Variants in CUX2 observed in about 807,000 individuals in gnomAD.
The protein encoded by CUX2 is cut like homeobox 2.
A neutral mutation model predicts 144.8 loss-of-function variants in CUX2; 40 were observed. The ratio of observed to expected loss-of-function variants is 0.28; its 90% CI spans 0.21 to 0.36. CUX2 has a LOEUF of 0.36. CUX2 is among the 10% of genes least tolerant of loss of function. The pLI is 1.00. For synonymous variants in CUX2, 827 were observed against 875.6 expected, an observed-to-expected ratio of 0.94 and a Z score of 0.98; for missense variants, 1,615 against 1,994.0, an observed-to-expected ratio of 0.81 and a Z score of 3.62.
chr12:111,348,168 C>T lies in CUX2; in HGVS notation c.4304C>T (p.Ala1435Val), dbSNP rs1166910301. 1.9e-6 allele frequency: 3 copies of T among 1,614,088 alleles called. No individual in the cohort carries two copies. Among genetic ancestry groups the T allele is most frequent in the Admixed American group, 3.3e-5 (2 of 60,022 alleles). ...PGAPPAKVPSASPTADMAGAL... is the reference protein window; with the variant it reads ...PGAPPAKVPSVSPTADMAGAL... ...GCCCCCCCTGCCAAAGTGCCGAGTG[C>T]CAGCCCCACTGCTGACATGGCTGGA... The change falls in exon 22 of 22, where the codon GCC becomes GTC. Residue 1435 changes from alanine (A) to valine (V), a missense_variant. Ala to Val is a moderately conservative substitution (Grantham distance 64, BLOSUM62 0). Transcript: ENST00000261726.
intron 15 of CUX2, among the ~76,000 whole-genome samples, chr12:111,311,594 A>ATTTTTT (rs767367160): frequency 2.2e-5 from 3 of 133,676 alleles, no homozygotes; most frequent in African/African-American, 1.0e-4. Context: ...CTATTTCTTT[A>ATTTTTT]TTATTATTAT....
chr12:111,328,306 C>G (rs1418876472), intron 18 of CUX2, among the ~76,000 whole-genome samples: 2 of 152,148 alleles, frequency 1.3e-5, no homozygotes, highest in East Asian at 3.9e-4. Flanking sequence ...CGGGCAGGGA[C>G]CGGCACTGGA....
rs947855219 is a variant in CUX2 at position 111,322,771 on chromosome 12, T to C, written c.2926+191T>C. Among the ~76,000 whole-genome samples the C allele has an allele frequency of 1.3e-5, 2 of 152,180 alleles. No homozygotes were observed. The highest frequency in any genetic ancestry group is 4.8e-5 in the African/African-American group (2 of 41,450). Reference sequence around the variant, plus strand: ...CTGGGGTTTCTCTGCTCCCCTTTCTTCCTTCCTCCAACCAGAGGGAGGCTT... The same window carrying C: ...CTGGGGTTTCTCTGCTCCCCTTTCTCCCTTCCTCCAACCAGAGGGAGGCTT... On this transcript the variant is annotated intron_variant, in intron 18 of 21. Coordinates refer to ENST00000261726, the MANE Select transcript of CUX2 (RefSeq NM_015267.4). This position sits in a 1 kb window ranked among gnomAD's most constrained non-coding sequence, Gnocchi z 4.2.
intron 4 of CUX2, among the ~76,000 whole-genome samples, chr12:111,264,887 C>T (rs1041058047): frequency 1.5e-4 from 19 of 129,682 alleles, no homozygotes; most frequent in African/African-American, 5.7e-4. Context: ...ACAGGCAAGC[C>T]GTAGATAAGA....
rs1696390686 is a variant in CUX2, at chr12:111,334,666, C to A, written c.3152C>A (p.Ser1051Tyr). 1 of 1,613,594 alleles carries A rather than the reference C, an allele frequency of 6.2e-7. No individual in the cohort carries two copies. Among genetic ancestry groups the A allele is most frequent in the African/African-American group, 1.3e-5 (1 of 74,942 alleles). The change falls in exon 19 of 22, where the codon TCC (serine) becomes TAC (tyrosine). Residue 1051 changes from serine (S) to tyrosine (Y), a missense_variant. Ser to Tyr is a moderately radical substitution (Grantham distance 144, BLOSUM62 -2). Coordinates refer to ENST00000261726, the MANE Select transcript of CUX2 (RefSeq NM_015267.4). Reference sequence around the variant, plus strand: ...ATGTCCCCCGAGCTGGACACGTACTCCATCACCAAGAGGGTGAAGGAGGTC... The same window carrying A: ...ATGTCCCCCGAGCTGGACACGTACTACATCACCAAGAGGGTGAAGGAGGTC... ...VAMSPELDTY[S>Y]ITKRVKEVLT...
intron 3 of CUX2, among the ~76,000 whole-genome samples, chr12:111,254,124 T>C (rs1592886588): frequency 6.6e-6 from 1 of 152,144 alleles, no homozygotes; most frequent in East Asian, 1.9e-4. Flanking sequence ...CTAGCATTCC[T>C]GCAGCCCTGA....
intron 14 of CUX2, among the ~76,000 whole-genome samples, chr12:111,309,601 C>CCCT (rs992429222): frequency 7.1e-6 from 1 of 141,248 alleles, no homozygotes; most frequent in South Asian, 2.4e-4. Flanking sequence ...CCAACCCCTT[C>CCCT]CCTCCTCCTC....
In CUX2 at chr12:111,246,109, A is replaced by G. The variant is rs947764226; in HGVS notation, c.223-17652A>G. Among the ~76,000 whole-genome samples the G allele has an allele frequency of 5.3e-5, 8 of 152,248 alleles. No individual in the cohort carries two copies. Among genetic ancestry groups the G allele is most frequent in the African/African-American group, 1.9e-4 (8 of 41,554 alleles). ...CTACTCTGCCAGCTTTCCTAGCTGCATGACCCGGGGCAAGTCTCTTGACTT... is the reference window on the plus strand; with the variant it reads ...CTACTCTGCCAGCTTTCCTAGCTGCGTGACCCGGGGCAAGTCTCTTGACTT... On this transcript the variant is annotated intron_variant, in intron 3 of 21. Transcript: ENST00000261726. The surrounding 1 kb of genome is among the most constrained non-coding windows in gnomAD (Gnocchi z 4.0).
In CUX2 at chr12:111,320,655, G is replaced by T; in HGVS notation, c.2646G>T (p.Pro882=). ...VPRTLKPTVP[P]LTPEQYELYM... is the part of the protein sequence containing the mutation. The stretch of plus-strand genomic sequence containing the variant: ...GCACCCTGAAGCCCACCGTGCCGCC[G>T]CTGACCCCCGAGCAGTACGAGCTGT... Residue 882 remains proline, a synonymous_variant, in exon 17 of 22, where the codon CCG becomes CCT. Transcript: ENST00000261726. The surrounding 1 kb of genome is among the most constrained non-coding windows in gnomAD (Gnocchi z 8.1). 6.3e-7 allele frequency: 1 copy of T among 1,596,660 alleles called. No individual in the cohort carries two copies. Among genetic ancestry groups the T allele is most frequent in the Non-Finnish European group, 8.5e-7 (1 of 1,179,030 alleles).
intron 8 of CUX2, among the ~76,000 whole-genome samples, chr12:111,297,539 G>A (rs1402935173): frequency 6.6e-6 from 1 of 152,196 alleles, no homozygotes; most frequent in Non-Finnish European, 1.5e-5. Flanking sequence ...TTTGCTCTGG[G>A]CCCCTGGGAC....
At chr12:111,167,391 G>A (rs1878215212) in intron 1 of CUX2, among the ~76,000 whole-genome samples, 1 of 152,068 alleles carries the variant, frequency 6.6e-6, no homozygotes, top group African/African-American at 2.4e-5. Flanking sequence ...GTAGACCATG[G>A]GCTTCTCGAG....
rs1009992008 is a variant in CUX2 at position 111,312,204 on chromosome 12, G to A, written c.2002+3G>A. The A allele has an allele frequency of 1.2e-6, 2 of 1,603,202 alleles. No individual in the cohort carries two copies. Among genetic ancestry groups the A allele is most frequent in the Non-Finnish European group, 1.7e-6 (2 of 1,173,924 alleles). On this transcript the variant is annotated splice_donor_region_variant and intron_variant, in intron 16 of 21. Transcript: ENST00000261726. This position sits in a 1 kb window ranked among gnomAD's most constrained non-coding sequence, Gnocchi z 4.3. ...GGAGATCGAGTCGCAGAAGGGCGGTGAGTGTGACCCCTGCAGGCAAAGCCT... is the reference window on the plus strand; with the variant it reads ...GGAGATCGAGTCGCAGAAGGGCGGTAAGTGTGACCCCTGCAGGCAAAGCCT...
chr12:111,275,570 G>A (rs1396069781), intron 4 of CUX2, among the ~76,000 whole-genome samples: 3 of 152,208 alleles, frequency 2.0e-5, no homozygotes, highest in Non-Finnish European at 4.4e-5. Context: ...CTGCACGGAT[G>A]CCCTGTCACT....
chr12:111,188,395 G>A (rs1363480841), intron 1 of CUX2, among the ~76,000 whole-genome samples: 3 of 152,238 alleles, frequency 2.0e-5, no homozygotes, highest in Non-Finnish European at 4.4e-5. Flanking sequence ...AGGAGAGACT[G>A]CTGGACACCA....
rs554296981 is a variant in CUX2, at chr12:111,256,570, C to T, written c.223-7191C>T. On this transcript the variant is annotated intron_variant, in intron 3 of 21. Transcript: ENST00000261726. ...GAGGCTGCTCTCAAAGTATGTTCCA[C>T]GGAACCCAGGGAAGGAGTTGTGCAG... Among the ~76,000 whole-genome samples, 329 of 152,238 alleles carry T rather than the reference C, an allele frequency of 2.2e-3. 1 individual carries two copies. Among genetic ancestry groups the T allele is most frequent in the Non-Finnish European group, 3.8e-3 (256 of 68,012 alleles).
Position 111,211,881 on chromosome 12 carries a change from C to T in CUX2, c.64-2319C>T, listed in dbSNP as rs564645938. Reference sequence around the variant, plus strand: ...CAGCCTGGGCGACAGAGTGAGACTCCGTCTCAAAAAAAAAAAAAAAAGTGT... The same window carrying T: ...CAGCCTGGGCGACAGAGTGAGACTCTGTCTCAAAAAAAAAAAAAAAAGTGT... On this transcript the variant is annotated intron_variant, in intron 1 of 21. Transcript: ENST00000261726. Among the ~76,000 whole-genome samples, 7 of 145,128 alleles carry T rather than the reference C, an allele frequency of 4.8e-5. No homozygotes were observed. In the South Asian group the frequency reaches 1.1e-3, roughly 23 times the overall value.
chr12:111,062,279 C>G (rs1385181287), intron 1 of CUX2, among the ~76,000 whole-genome samples: 2 of 152,260 alleles, frequency 1.3e-5, no homozygotes, highest in African/African-American at 4.8e-5. Flanking sequence ...GCTCTCTCAT[C>G]TACACCAAAG....
intron 1 of CUX2, among the ~76,000 whole-genome samples, chr12:111,038,334 T>C (rs1443186526): frequency 6.6e-6 from 1 of 152,252 alleles, no homozygotes; most frequent in Non-Finnish European, 1.5e-5. Flanking sequence ...AAATAAGCTA[T>C]CAGCCCTGTT....
chr12:111,217,765 G>C, intron 2 of CUX2, 125 bp from the exon 3 acceptor site: 1 of 956,290 alleles, frequency 1.0e-6, no homozygotes, highest in Non-Finnish European at 1.7e-6. Context: ...AAATCCAATG[G>C]AGTTCAGGCC....
Sources: allele counts gnomAD v4.1 joint callset (sites outside exome capture counted in the v4.1 genomes callset), GRCh38; gene constraint gnomAD v4.1.1; non-coding constraint Gnocchi (gnomAD v3.1); transcripts MANE v1.5; gene names NCBI Gene and HGNC (gene_info 2026-07-23, HGNC 2026-07-21).